Variants in RTN1 observed in about 807,000 individuals in gnomAD.
RTN1 encodes the protein reticulon-1.
RTN1 carries 25 observed loss-of-function variants against 65.5 expected under a neutral mutation model. The ratio of observed to expected loss-of-function variants is 0.38; its 90% CI spans 0.28 to 0.53. RTN1 has a LOEUF of 0.53. Ranked by LOEUF, RTN1 falls within the 20% of genes least tolerant of loss-of-function variation. RTN1 has a pLI of 0.79. For missense variants in RTN1, 983 were observed against 1,025.4 expected, an observed-to-expected ratio of 0.96 and a Z score of 0.57; for synonymous variants, 471 against 447.6, an observed-to-expected ratio of 1.05 and a Z score of -0.66.
At chr14:59,703,227 T>A (rs1249109688) in intron 3 of RTN1, among the ~76,000 whole-genome samples, 1 of 152,230 alleles carries the variant, frequency 6.6e-6, no homozygotes. Context: ...TGATATCGTT[T>A]GGGTATTTGT....
intron 2 of RTN1, among the ~76,000 whole-genome samples, chr14:59,735,330 A>C (rs1884981278): frequency 6.6e-6 from 1 of 152,156 alleles, no homozygotes; most frequent in African/African-American, 2.4e-5. Context: ...CCACATAAAC[A>C]AGTCAGAAAA....
rs58079996 is a variant in RTN1 at position 59,675,444 on chromosome 14, TG to T, written c.1765+51474del. ...TTAATTATTTGAGACCTATAGGACT[TG>T]GGGGGGGGGCGCTATAATTTATTGA... On this transcript the variant is annotated intron_variant, in intron 3 of 8. Transcript: ENST00000267484. 1.8e-3 allele frequency among the ~76,000 whole-genome samples: 69 copies of T among 39,028 alleles called. No individual in the cohort carries two copies. The East Asian group carries it at 0.029, about 16-fold the overall frequency. The allele number at this position is 39,028 out of a possible 152,430, so 25.6% of individuals were successfully genotyped here.
intron 3 of RTN1, among the ~76,000 whole-genome samples, chr14:59,623,168 G>A (rs954121321): frequency 6.6e-6 from 1 of 152,174 alleles, no homozygotes; most frequent in South Asian, 2.1e-4. Flanking sequence ...TACTATTCCC[G>A]AATGACTCCT....
intron 3 of RTN1, among the ~76,000 whole-genome samples, chr14:59,609,701 ACT>A (rs1184563359): frequency 6.6e-6 from 1 of 152,108 alleles, no homozygotes; most frequent in Non-Finnish European, 1.5e-5. Context: ...CCAGGTATTT[ACT>A]CTCTTTGTGC....
chr14:59,602,908 T>C (rs907753590), intron 8 of RTN1, among the ~76,000 whole-genome samples, 157 bp downstream of exon 8: 1 of 152,150 alleles, frequency 6.6e-6, no homozygotes, highest in Non-Finnish European at 1.5e-5. Flanking sequence ...TTTTCTAAAA[T>C]AACATAATTG....
intron 1 of RTN1, among the ~76,000 whole-genome samples, chr14:59,756,841 G>GTTTTTTT (rs11450526): frequency 9.9e-6 from 1 of 100,670 alleles, no homozygotes; most frequent in Non-Finnish European, 1.9e-5. Context: ...TCTTTTTTTT[G>GTTTTTTT]TTTTTTTTTT....
In RTN1 at chr14:59,745,407, C is replaced by T. The variant is rs190438957; in HGVS notation, c.1015+301G>A. 3.5e-4 allele frequency among the ~76,000 whole-genome samples: 54 copies of T among 152,202 alleles called. No individual in the cohort carries two copies. In the East Asian group the frequency reaches 0.01, roughly 29 times the overall value. On this transcript the variant is annotated intron_variant, in intron 2 of 8. Transcript: ENST00000267484. ...TTCTCTGCTCTGGACAGTAGGGCTG[C>T]ATGAGGATTTTAATGTTTCCAGTAT...
At chr14:59,845,307 T>C (rs1302299753) in intron 1 of RTN1, among the ~76,000 whole-genome samples, 1 of 152,226 alleles carries the variant, frequency 6.6e-6, no homozygotes, top group Non-Finnish European at 1.5e-5. Context: ...GCTATTATCT[T>C]TGAAAGTGTT....
intron 8 of RTN1, among the ~76,000 whole-genome samples, chr14:59,598,032 G>C (rs780503227): frequency 6.6e-6 from 1 of 152,030 alleles, no homozygotes; most frequent in Non-Finnish European, 1.5e-5. Flanking sequence ...GGGGAGTGAC[G>C]TGATCTGATT....
chr14:59,824,754 A>G (rs1278422186), intron 1 of RTN1, among the ~76,000 whole-genome samples: 2 of 152,230 alleles, frequency 1.3e-5, no homozygotes, highest in Non-Finnish European at 2.9e-5. Context: ...AAAAGCTACT[A>G]CAATGCATTT....
intron 3 of RTN1, among the ~76,000 whole-genome samples, chr14:59,685,186 A>T (rs1883821613): frequency 6.7e-6 from 1 of 150,220 alleles, no homozygotes; most frequent in Non-Finnish European, 1.5e-5. Flanking sequence ...TAAAGGCCAT[A>T]TATGACAAAC....
chr14:59,767,867 T>A (rs923174360), intron 1 of RTN1, among the ~76,000 whole-genome samples: 10 of 152,212 alleles, frequency 6.6e-5, no homozygotes, highest in Non-Finnish European at 1.3e-4. Context: ...TAGCATAGTA[T>A]CTGATCGCTC....
At chr14:59,864,571 A>T (rs1887766016) in intron 1 of RTN1, among the ~76,000 whole-genome samples, 1 of 151,716 alleles carries the variant, frequency 6.6e-6, no homozygotes, top group African/African-American at 2.4e-5. Context: ...AGTATAGTTT[A>T]TGGATGAGAG....
At chr14:59,869,590 G>C (rs1021137057) in intron 1 of RTN1, among the ~76,000 whole-genome samples, 1 of 122,436 alleles carries the variant, frequency 8.2e-6, no homozygotes, top group Non-Finnish European at 1.7e-5. Flanking sequence ...GGGGGGGGGG[G>C]GGCGCTTAGA....
intron 1 of RTN1, among the ~76,000 whole-genome samples, chr14:59,762,480 T>C (rs1885769228): frequency 6.6e-6 from 1 of 152,152 alleles, no homozygotes; most frequent in Non-Finnish European, 1.5e-5. Context: ...AGGAACTTGT[T>C]ATTAGGAAGA....
In RTN1 at chr14:59,596,757, C is replaced by A. The variant is rs749112820; in HGVS notation, c.2319G>T (p.Arg773Ser). 1 of 1,611,278 alleles carries A rather than the reference C, an allele frequency of 6.2e-7. No homozygotes were observed. The highest frequency in any genetic ancestry group is 1.7e-5 in the Admixed American group (1 of 59,990). ...KIQAKIPGAK[R>S]HAE ...GTGGGAAATCAGTTTACTCAGCATG[C>A]CTCTTAGCGCCTGGGATTTTAGCCT... Residue 773 changes from arginine to serine, a missense_variant, in exon 9 of 9, where the codon AGG becomes AGT. Coordinates refer to ENST00000267484, the MANE Select transcript of RTN1 (RefSeq NM_021136.3).
At chr14:59,769,859 C>T (rs1466724569) in intron 1 of RTN1, among the ~76,000 whole-genome samples, 1 of 152,088 alleles carries the variant, frequency 6.6e-6, no homozygotes, top group Non-Finnish European at 1.5e-5. Context: ...GAGGGAGTGT[C>T]TTTTCTTACT....
In RTN1 at chr14:59,846,276, G is replaced by A. The variant is rs1246784014; in HGVS notation, c.241+24114C>T. On this transcript the variant is annotated intron_variant, in intron 1 of 8. Coordinates refer to ENST00000267484, the MANE Select transcript of RTN1 (RefSeq NM_021136.3). This position sits in a 1 kb window ranked among gnomAD's most constrained non-coding sequence, Gnocchi z 4.8. ...TGAGATGATAAATCCTGGCCCATCT[G>A]CTGCTTGTGTCCCTCCTCCTTGCTC... Among the ~76,000 whole-genome samples the A allele has an allele frequency of 6.6e-6, 1 of 152,108 alleles. No individual in the cohort carries two copies. Among genetic ancestry groups the A allele is most frequent in the African/African-American group, 2.4e-5 (1 of 41,428 alleles).
At position 59,727,110 on chromosome 14, in the gene RTN1, T is replaced by A. The variant is rs761738177; in HGVS notation, c.1574A>T (p.Tyr525Phe). 15 of 1,609,236 alleles carry A rather than the reference T, an allele frequency of 9.3e-6. No homozygotes were observed. In the African/African-American group the frequency reaches 1.5e-4, roughly 16 times the overall value. The change falls in exon 3 of 9, where the codon TAC becomes TTC. Residue 525 changes from tyrosine to phenylalanine, a missense_variant. Tyr to Phe is a conservative substitution (Grantham distance 22, BLOSUM62 3). Coordinates refer to ENST00000267484, the MANE Select transcript of RTN1 (RefSeq NM_021136.3). The surrounding 1 kb of genome is among the most constrained non-coding windows in gnomAD (Gnocchi z 4.2). ...GCCAGGCTGGGGCTCAGTTGAGGGG[T>A]AGTCGAGGAAGGAACCCGGCTCGGC... ...GLAEPGSFLD[Y>F]PSTEPQPGPE... is the part of the protein sequence containing the mutation.
Sources: gnomAD v4.1 joint callset for allele counts (sites outside exome capture counted in the v4.1 genomes callset) on GRCh38, gnomAD v4.1.1 for gene constraint, Gnocchi (gnomAD v3.1) non-coding constraint, MANE v1.5 for transcripts, NCBI Gene and HGNC (gene_info 2026-07-23, HGNC 2026-07-21) for gene names.